The following SLC2A2 variants were observed in gnomAD, a reference collection of about 807,000 sequenced individuals.
SLC2A2 encodes solute carrier family 2 member 2.
In SLC2A2, 36 loss-of-function variants were observed where a neutral mutation model predicts 54.5. The observed-to-expected ratio is 0.66, with a 90% CI of 0.51 to 0.87. The LOEUF is 0.87. Among genes scored for constraint, SLC2A2 ranks in the 40% least tolerant of loss-of-function variants. The pLI is 0.00. For synonymous variants in SLC2A2, 223 were observed against 219.1 expected (o/e 1.02, Z -0.16); for missense variants, 543 against 624.3 (o/e 0.87, Z 1.39).
chr3:171,024,837 G>A (rs963709589), intron 1 of SLC2A2, among the ~76,000 whole-genome samples: 7 of 152,132 alleles, frequency 4.6e-5, no homozygotes, highest in Non-Finnish European at 2.9e-5. Context: ...GATTCACAAA[G>A]CTGAAAAACA....
chr3:170,998,025 G>T lies in SLC2A2; in HGVS notation c.1453C>A (p.Pro485Thr), dbSNP rs753575081. The change falls in exon 11 of 11, where the codon CCA becomes ACA. Residue 485 changes from proline to threonine, a missense_variant. By Grantham distance (38) the Pro-to-Thr change is conservative. Around this residue, in one of 3 missense-constraint regions of SLC2A2, gnomAD observed 108 missense variants for 101.3 expected, o/e 1.07. Coordinates refer to ENST00000314251, the MANE Select transcript of SLC2A2 (RefSeq NM_000340.2). ...TCAAAAGACTTTCCTTTGGTTTCTG[G>T]AACTTTAAAAAATGTGAACAGGGTA... ...AFTLFTFFKV[P>T]ETKGKSFEEI... 6.2e-7 allele frequency: 1 copy of T among 1,613,556 alleles called. No individual in the cohort carries two copies. The highest frequency in any genetic ancestry group is 1.7e-5 in the Admixed American group (1 of 59,878).
At chr3:171,004,683 C>G (rs972262459) in intron 7 of SLC2A2, among the ~76,000 whole-genome samples, 7 of 151,780 alleles carry the variant, frequency 4.6e-5, no homozygotes, top group African/African-American at 1.5e-4. Context: ...CTGCATGATG[C>G]AGGGGTTTCA....
Position 170,997,682 on chromosome 3 carries a change from C to G in SLC2A2, c.*221G>C. ...CTGCCCTTTAGTGTAACAAAATAAACTAGCCTTTTTGGTTTACTTAATTAC... is the reference window on the plus strand; with the variant it reads ...CTGCCCTTTAGTGTAACAAAATAAAGTAGCCTTTTTGGTTTACTTAATTAC... On this transcript the variant is annotated 3_prime_UTR_variant, in exon 11 of 11. Coordinates refer to ENST00000314251, the MANE Select transcript of SLC2A2 (RefSeq NM_000340.2). 1.8e-6 allele frequency: 1 copy of G among 546,792 alleles called. No individual in the cohort carries two copies. The allele number at this position is 546,792 out of a possible 1,614,324, so 33.9% of individuals were successfully genotyped here.
chr3:171,020,876 C>A (rs57413756), intron 1 of SLC2A2, among the ~76,000 whole-genome samples: 27 of 150,740 alleles, frequency 1.8e-4, no homozygotes, highest in Non-Finnish European at 3.8e-4. Flanking sequence ...AAAGCAAGAC[C>A]CTGTCTCAAA....
chr3:170,998,246 A>G lies in SLC2A2; in HGVS notation c.1321T>C (p.Phe441Leu). 1 of 1,613,858 alleles carries G rather than the reference A, an allele frequency of 6.2e-7. No homozygotes were observed. The highest frequency in any genetic ancestry group is 8.5e-7 in the Non-Finnish European group (1 of 1,179,828). The change falls in exon 10 of 11, where the codon TTC becomes CTC. Residue 441 changes from phenylalanine (F) to leucine (L), a missense_variant. Physicochemically the swap from Phe to Leu is conservative, Grantham distance 22. Around this residue, in one of 3 missense-constraint regions of SLC2A2, gnomAD observed 108 missense variants for 101.3 expected, o/e 1.07. Transcript: ENST00000314251. ...ATGAAATTGCAGGTCCAATTGCTGA[A>G]TGCAGCTATTGCTAAAGCAGCAGGA... is the stretch of plus-strand genomic sequence containing the variant. ...PRPAALAIAA[F>L]SNWTCNFIVA...
intron 3 of SLC2A2, 50 bp from the exon 4 acceptor site, chr3:171,010,132 A>C: frequency 1.3e-6 from 2 of 1,583,430 alleles, no homozygotes; most frequent in Non-Finnish European, 1.7e-6. Flanking sequence ...AAACTTGCTA[A>C]AATTATTCGC....
At position 171,014,600 on chromosome 3, in the gene SLC2A2, A is replaced by T; in HGVS notation, c.240T>A (p.Pro80=). The part of the protein sequence containing the change: ...ISYSMNPKPT[P]WAEEETVAAA... Reference sequence around the variant, plus strand: ...CTGCCACAGTCTCTTCCTCAGCCCAAGGGGTTGGTTTTGGGTTCATTGAGT... The same window carrying T: ...CTGCCACAGTCTCTTCCTCAGCCCATGGGGTTGGTTTTGGGTTCATTGAGT... The change falls in exon 3 of 11, where the codon CCT becomes CCA. Residue 80 remains proline, a synonymous_variant. Coordinates refer to ENST00000314251, the MANE Select transcript of SLC2A2 (RefSeq NM_000340.2). 6.2e-7 allele frequency: 1 copy of T among 1,614,106 alleles called. No homozygotes were observed. Among genetic ancestry groups the T allele is most frequent in the Admixed American group, 1.7e-5 (1 of 60,014 alleles).
At chr3:171,018,895 T>C (rs1576842544) in intron 1 of SLC2A2, among the ~76,000 whole-genome samples, 2 of 152,010 alleles carry the variant, frequency 1.3e-5, no homozygotes, top group East Asian at 3.9e-4. Flanking sequence ...CATATATGTG[T>C]ATGAGAATAG....
In SLC2A2 at chr3:171,007,265, T is replaced by C. The variant is rs1318756243; in HGVS notation, c.497-2A>G. 1.9e-6 allele frequency: 3 copies of C among 1,567,040 alleles called. No individual in the cohort carries two copies. Among genetic ancestry groups the C allele is most frequent in the African/African-American group, 1.4e-5 (1 of 73,954 alleles). ...TAGGAACCAGGCCTGAAATTAGCCC[T>C]GCATGAAACATAAACATAAATGTTA... On this transcript the variant is annotated splice_acceptor_variant, in intron 4 of 10. Coordinates refer to ENST00000314251, the MANE Select transcript of SLC2A2 (RefSeq NM_000340.2). LOFTEE classifies it high-confidence loss of function.
At chr3:171,024,031 G>A (rs766661145) in intron 1 of SLC2A2, among the ~76,000 whole-genome samples, 1 of 151,980 alleles carries the variant, frequency 6.6e-6, no homozygotes, top group Non-Finnish European at 1.5e-5. Flanking sequence ...AGTCATATAG[G>A]GTCTATTAGA....
Position 170,997,739 on chromosome 3 carries a change from T to TA in SLC2A2, c.*163dup, listed in dbSNP as rs1715147120. On this transcript the variant is annotated 3_prime_UTR_variant, in exon 11 of 11. Transcript: ENST00000314251. Reference sequence around the variant, plus strand: ...ACCATCAAAAATATATTCTCTAACTTAAAAAAATACTTTTTTGGTAATATT... The same window carrying TA: ...ACCATCAAAAATATATTCTCTAACTTAAAAAAAATACTTTTTTGGTAATATT... The TA allele has an allele frequency of 3.0e-6, 2 of 660,752 alleles. No homozygotes were observed. The highest frequency in any genetic ancestry group is 2.7e-5 in the East Asian group (1 of 36,696). 40.9% of individuals were successfully genotyped at this position (660,752 alleles called of 1,614,324 possible).
intron 7 of SLC2A2, 93 bp downstream of exon 7, chr3:171,005,191 TA>T: frequency 9.6e-7 from 1 of 1,044,562 alleles, no homozygotes; most frequent in East Asian, 2.4e-5. Context: ...GCCAATACCT[TA>T]AAATATCTTT....
intron 2 of SLC2A2, 94 bp from the exon 3 acceptor site, chr3:171,014,825 C>T: frequency 1.0e-6 from 1 of 957,916 alleles, no homozygotes; most frequent in Non-Finnish European, 1.7e-6. Context: ...TAAATAGTAC[C>T]ATCTCAATTA....
chr3:171,016,844 A>T (rs1443311774), intron 2 of SLC2A2, among the ~76,000 whole-genome samples: 5 of 139,360 alleles, frequency 3.6e-5, no homozygotes, highest in Non-Finnish European at 7.6e-5. Flanking sequence ...GGGATGGTTT[A>T]ATTTTTTCTT....
chr3:171,010,785 A>G (rs1715845141), intron 3 of SLC2A2, among the ~76,000 whole-genome samples: 1 of 152,142 alleles, frequency 6.6e-6, no homozygotes, highest in African/African-American at 2.4e-5. Flanking sequence ...ATTATTAGTG[A>G]CCAATGTAAA....
In SLC2A2 at chr3:171,018,744, G is replaced by A. The variant is rs145615342; in HGVS notation, c.16-121C>T. ...AGGCTGGTTCTTTCCCCTCAATATC[G>A]ATTTGCAGTATGCCCTGTGCTCCAG... On this transcript the variant is annotated intron_variant, in intron 1 of 10. Transcript: ENST00000314251. 4.6e-3 allele frequency: 3,300 copies of A among 720,466 alleles called. 70 individuals carry two copies. The African/African-American group carries it at 0.047, about 10-fold the overall frequency. 44.6% of individuals were successfully genotyped at this position (720,466 alleles called of 1,614,324 possible).
chr3:170,996,513 G>T lies in SLC2A2; in HGVS notation c.*1390C>A. 2.5e-6 allele frequency: 1 copy of T among 397,006 alleles called. No homozygotes were observed. The highest frequency in any genetic ancestry group is 1.3e-4 in the South Asian group (1 of 7,700). 24.6% of individuals were successfully genotyped at this position (397,006 alleles called of 1,614,324 possible). A position where few individuals can be genotyped will look rare whatever the true frequency, so the allele number is the denominator to read the frequency against. Reference sequence around the variant, plus strand: ...CATTAAAGCAAACATAAGAAGGATTGATCAGTGCTCCAGTTGGTGGAGAAA... The same window carrying T: ...CATTAAAGCAAACATAAGAAGGATTTATCAGTGCTCCAGTTGGTGGAGAAA... On this transcript the variant is annotated 3_prime_UTR_variant, in exon 11 of 11. Transcript: ENST00000314251.
At chr3:171,020,073 C>G (rs1177117397) in intron 1 of SLC2A2, among the ~76,000 whole-genome samples, 2 of 152,152 alleles carry the variant, frequency 1.3e-5, no homozygotes, top group Non-Finnish European at 2.9e-5. Context: ...AGTTCTCACT[C>G]TCTTAGTAGG....
rs979124233 is a variant in SLC2A2, at chr3:171,007,381, G to A, written c.497-118C>T. Reference sequence around the variant, plus strand: ...AGCCCCTCCCTGAATTCACTGGAAGGATGAACCCTTGTTCCTAGGTATAGA... The same window carrying A: ...AGCCCCTCCCTGAATTCACTGGAAGAATGAACCCTTGTTCCTAGGTATAGA... On this transcript the variant is annotated intron_variant, in intron 4 of 10. Transcript: ENST00000314251. 8.5e-5 allele frequency: 60 copies of A among 707,032 alleles called. No homozygotes were observed. In the African/African-American group the frequency reaches 9.3e-4, roughly 11 times the overall value. 43.8% of individuals were successfully genotyped at this position (707,032 alleles called of 1,614,324 possible).
Sources: gnomAD v4.1 joint callset for allele counts (sites outside exome capture counted in the v4.1 genomes callset) on GRCh38, gnomAD v4.1.1 for gene constraint, gnomAD v4.1.1 regional missense constraint, MANE v1.5 for transcripts, NCBI Gene and HGNC (gene_info 2026-07-23, HGNC 2026-07-21) for gene names.